LYPLA1: variants seen among roughly 807,000 people sequenced by gnomAD.
LYPLA1 encodes the protein lysophospholipase 1, also known as acyl-protein thioesterase 1.
In LYPLA1, 17 loss-of-function variants were observed where a neutral mutation model predicts 34.0. The observed-to-expected ratio is 0.50, with a 90% CI of 0.34 to 0.75. LYPLA1 has a LOEUF of 0.75. Among genes scored for constraint, LYPLA1 ranks in the 30% least tolerant of loss-of-function variants. The pLI, the probability that LYPLA1 is intolerant of heterozygous loss-of-function variation, is 0.01. For missense variants in LYPLA1, 203 were observed against 288.8 expected (o/e 0.70, Z 2.15); for synonymous variants, 98 against 100.8 (o/e 0.97, Z 0.17).
chr8:54,043,694 TG>T (rs377011972), downstream of LYPLA1, among the ~76,000 whole-genome samples: 4 of 151,920 alleles, frequency 2.6e-5, no homozygotes, highest in African/African-American at 9.7e-5. Context: ...CCCAAGTAGC[TG>T]GGATTACAGG....
At chr8:54,080,143 TG>T (rs1395657945) in intron 2 of LYPLA1, among the ~76,000 whole-genome samples, 1 of 152,074 alleles carries the variant, frequency 6.6e-6, no homozygotes, top group Non-Finnish European at 1.5e-5. Context: ...CCCACCACTT[TG>T]GGAGGCTGAG....
At chr8:54,051,994 G>A (rs1170128154) in intron 7 of LYPLA1, among the ~76,000 whole-genome samples, 1 of 151,750 alleles carries the variant, frequency 6.6e-6, no homozygotes, top group Non-Finnish European at 1.5e-5. Context: ...GGGATTATAG[G>A]TGTGCACCAC....
At chr8:54,087,797 T>G in intron 2 of LYPLA1, among the ~76,000 whole-genome samples, 1 of 152,198 alleles carries the variant, frequency 6.6e-6, no homozygotes, top group East Asian at 1.9e-4. Flanking sequence ...AAACAGCACT[T>G]GAACATAAAT....
At chr8:54,077,154 C>T (rs1376280098) in intron 2 of LYPLA1, among the ~76,000 whole-genome samples, 2 of 151,926 alleles carry the variant, frequency 1.3e-5, no homozygotes, top group Non-Finnish European at 2.9e-5. Context: ...AATTGTTATG[C>T]AGCCATTAAA....
At chr8:54,063,172 C>A (rs1226301213) in intron 4 of LYPLA1, among the ~76,000 whole-genome samples, 156 bp downstream of exon 4, 1 of 152,208 alleles carries the variant, frequency 6.6e-6, no homozygotes, top group South Asian at 2.1e-4. Context: ...TTAAGTTTAC[C>A]CCTAAATCCA....
intron 6 of LYPLA1, 68 bp downstream of exon 6, chr8:54,054,992 G>A: frequency 1.1e-6 from 1 of 920,788 alleles, no homozygotes; most frequent in Non-Finnish European, 1.8e-6. Context: ...TCTATAGAAA[G>A]GATTAATGCA....
chr8:54,064,638 T>A (rs1158840414), intron 3 of LYPLA1, among the ~76,000 whole-genome samples: 1 of 152,218 alleles, frequency 6.6e-6, no homozygotes, highest in Non-Finnish European at 1.5e-5. Context: ...ACTCTACTGC[T>A]ACTACCACTT....
chr8:54,091,381 A>G, intron 2 of LYPLA1, among the ~76,000 whole-genome samples: 1 of 151,938 alleles, frequency 6.6e-6, no homozygotes, highest in East Asian at 1.9e-4. Context: ...CCAGCTACTC[A>G]GAAGACTGAG....
intron 2 of LYPLA1, among the ~76,000 whole-genome samples, chr8:54,080,672 C>T (rs552989243): frequency 3.9e-5 from 6 of 152,228 alleles, no homozygotes; most frequent in Non-Finnish European, 7.4e-5. Flanking sequence ...ACTGCAACCT[C>T]CGCCTCCTGA....
intron 6 of LYPLA1, chr8:54,053,572 T>C (rs1805997440): frequency 2.2e-6 from 1 of 456,164 alleles, no homozygotes; most frequent in Middle Eastern, 3.3e-4. Context: ...AACACATGAG[T>C]ACACGAGAGC....
intron 7 of LYPLA1, 91 bp downstream of exon 7, chr8:54,052,564 A>AT (rs1805917634): frequency 1.3e-6 from 1 of 798,624 alleles, no homozygotes; most frequent in Non-Finnish European, 2.0e-6. Flanking sequence ...AAGTTTATTA[A>AT]TAAAAAAAAA....
intron 2 of LYPLA1, among the ~76,000 whole-genome samples, chr8:54,083,824 G>T (rs1808485334): frequency 6.6e-6 from 1 of 152,142 alleles, no homozygotes; most frequent in Admixed American, 6.5e-5. Context: ...ATGTATAGCT[G>T]TAGACATCTG....
intron 2 of LYPLA1, among the ~76,000 whole-genome samples, chr8:54,091,128 C>A (rs1809214080): frequency 6.6e-6 from 1 of 152,152 alleles, no homozygotes; most frequent in African/African-American, 2.4e-5. Flanking sequence ...CCTCAGCTTC[C>A]CGAAGTGATA....
At chr8:54,046,132 C>T, downstream of LYPLA1, among the ~76,000 whole-genome samples, 1 of 152,128 alleles carries the variant, frequency 6.6e-6, no homozygotes, top group East Asian at 1.9e-4. Flanking sequence ...CCAAATAAAA[C>T]TTCTTAAATA....
downstream of LYPLA1, chr8:54,044,977 A>G (rs1375414130): frequency 2.0e-5 from 3 of 152,144 alleles, no homozygotes; most frequent in African/African-American, 7.2e-5. Context: ...AATACACATC[A>G]TTTGTGTGTT....
At chr8:54,091,495 AAAG>A (rs1231994365) in intron 2 of LYPLA1, among the ~76,000 whole-genome samples, 3 of 151,570 alleles carry the variant, frequency 2.0e-5, no homozygotes, top group African/African-American at 4.9e-5. Context: ...CAAAAAAAGA[AAAG>A]AAAAGAAAAG....
chr8:54,053,576 C>A lies in LYPLA1; in HGVS notation c.361-820G>T, dbSNP rs186350478. 1.0e-4 allele frequency: 47 copies of A among 456,206 alleles called. 1 individual carries two copies. Among genetic ancestry groups the A allele is most frequent in the South Asian group, 7.1e-4 (46 of 64,568 alleles). The allele number at this position is 456,206 out of a possible 1,614,324, so 28.3% of individuals were successfully genotyped here. A position where few individuals can be genotyped will look rare whatever the true frequency, so the allele number is the denominator to read the frequency against. ...TGGGTTACTGCAACACATGAGTACA[C>A]GAGAGCCTTTCACATCCCAGGCAGT... is the stretch of plus-strand genomic sequence containing the variant. On this transcript the variant is annotated intron_variant, in intron 6 of 8. Coordinates refer to ENST00000316963, the MANE Select transcript of LYPLA1 (RefSeq NM_006330.4).
intron 2 of LYPLA1, among the ~76,000 whole-genome samples, chr8:54,080,491 G>A (rs1172552782): frequency 6.6e-6 from 1 of 152,186 alleles, no homozygotes; most frequent in East Asian, 1.9e-4. Context: ...GCAGATGACA[G>A]CCGTATTCCT....
intron 2 of LYPLA1, among the ~76,000 whole-genome samples, chr8:54,087,280 C>T (rs1373787211): frequency 1.3e-5 from 2 of 152,186 alleles, no homozygotes; most frequent in East Asian, 3.8e-4. Flanking sequence ...CAATTCCATT[C>T]GTCATAGTAT....
Sources: allele counts gnomAD v4.1 joint callset (sites outside exome capture counted in the v4.1 genomes callset), GRCh38; gene constraint gnomAD v4.1.1; transcripts MANE v1.5; gene names NCBI Gene and HGNC (gene_info 2026-07-23, HGNC 2026-07-21).